Variants in ST8SIA1 observed in about 807,000 individuals in gnomAD.
ST8SIA1 encodes ST8 alpha-N-acetyl-neuraminide alpha-2,8-sialyltransferase 1, also known as alpha-N-acetylneuraminide alpha-2,8-sialyltransferase.
A neutral mutation model predicts 35.9 loss-of-function variants in ST8SIA1; 16 were observed. The observed-to-expected ratio is 0.45, with a 90% CI of 0.30 to 0.68. The LOEUF is 0.68. ST8SIA1 is among the 30% of genes least tolerant of loss of function. The probability of loss-of-function intolerance (pLI) is 0.09; values close to 1 mark genes in which losing one functional copy is unlikely to be tolerated. For missense variants in ST8SIA1, 383 were observed against 453.6 expected, an observed-to-expected ratio of 0.84 and a Z score of 1.41; for synonymous variants, 170 against 169.6, an observed-to-expected ratio of 1.00 and a Z score of -0.02.
At chr12:22,258,011 T>C (rs1865746882) in intron 2 of ST8SIA1, among the ~76,000 whole-genome samples, 1 of 151,782 alleles carries the variant, frequency 6.6e-6, no homozygotes, top group African/African-American at 2.4e-5. Context: ...CTCCAGAATA[T>C]GTCCAGAATC....
At position 22,197,432 on chromosome 12, in the gene ST8SIA1, T is replaced by C. The variant is rs1865002371; in HGVS notation, c.*4120A>G. The C allele has an allele frequency of 6.6e-6, 1 of 152,138 alleles. No homozygotes were observed. The highest frequency in any genetic ancestry group is 2.4e-5 in the African/African-American group (1 of 41,434). 9.4% of individuals were successfully genotyped at this position (152,138 alleles called of 1,614,324 possible). ...CCCCTTAGGTCCCTCCTAACAAGTA[T>C]TTGTCAGTGAAAAATTTCACAAAGT... is the stretch of plus-strand genomic sequence containing the variant. On this transcript the variant is annotated 3_prime_UTR_variant, in exon 5 of 5. Coordinates refer to ENST00000396037, the MANE Select transcript of ST8SIA1 (RefSeq NM_003034.4).
chr12:22,321,028 A>AAG (rs796297232), intron 1 of ST8SIA1, among the ~76,000 whole-genome samples: 32 of 65,352 alleles, frequency 4.9e-4, no homozygotes, highest in African/African-American at 1.9e-3. Context: ...GAAAGAAAGA[A>AAG]AGAAAGAGAA....
At position 22,333,933 on chromosome 12, in the gene ST8SIA1, C is replaced by A. The variant is rs914714164; in HGVS notation, c.236+64G>T. ...GGTGCAAGGCGGTCCTCGCCGGTGACCCTGTCCTCTGCACTCGGGGAGGAA... is the reference window on the plus strand; with the variant it reads ...GGTGCAAGGCGGTCCTCGCCGGTGAACCTGTCCTCTGCACTCGGGGAGGAA... On this transcript the variant is annotated intron_variant, in intron 1 of 4. Transcript: ENST00000396037. The A allele has an allele frequency of 3.5e-6, 5 of 1,440,242 alleles. No homozygotes were observed. The Admixed American group carries it at 8.4e-5, about 24-fold the overall frequency. 89.2% of individuals were successfully genotyped at this position (1,440,242 alleles called of 1,614,324 possible).
intron 1 of ST8SIA1, among the ~76,000 whole-genome samples, chr12:22,294,700 A>C (rs1262456104): frequency 6.6e-6 from 1 of 152,246 alleles, no homozygotes; most frequent in Non-Finnish European, 1.5e-5. Context: ...TTCTCTAGTA[A>C]GGGCAGAGAA....
chr12:22,238,173 A>G (rs1456144879), intron 4 of ST8SIA1, among the ~76,000 whole-genome samples: 3 of 150,112 alleles, frequency 2.0e-5, no homozygotes, highest in African/African-American at 4.9e-5. Context: ...TCCCCCCCCA[A>G]CAAGAGGTGG....
At chr12:22,239,270 G>A (rs1591831865) in intron 4 of ST8SIA1, among the ~76,000 whole-genome samples, 1 of 152,090 alleles carries the variant, frequency 6.6e-6, no homozygotes, top group Admixed American at 6.5e-5. Context: ...CATTAATCAT[G>A]AATTCTGAAA....
intron 4 of ST8SIA1, among the ~76,000 whole-genome samples, chr12:22,217,511 G>T (rs1865247394): frequency 1.3e-5 from 2 of 152,146 alleles, no homozygotes; most frequent in African/African-American, 4.8e-5. Flanking sequence ...TTTAGAGAAG[G>T]TATTTTGAGA....
At position 22,321,226 on chromosome 12, in the gene ST8SIA1, G is replaced by A. The variant is rs993726305; in HGVS notation, c.236+12771C>T. Reference sequence around the variant, plus strand: ...GATGGTGAGGCTGAGAGGGGTGGGAGAGAAAGAGCCCTTTGGCGTGGCAAG... The same window carrying A: ...GATGGTGAGGCTGAGAGGGGTGGGAAAGAAAGAGCCCTTTGGCGTGGCAAG... On this transcript the variant is annotated intron_variant, in intron 1 of 4. Coordinates refer to ENST00000396037, the MANE Select transcript of ST8SIA1 (RefSeq NM_003034.4). Among the ~76,000 whole-genome samples the A allele has an allele frequency of 1.2e-4, 19 of 152,296 alleles. No homozygotes were observed. In the South Asian group the frequency reaches 3.7e-3, roughly 30 times the overall value.
chr12:22,205,504 T>C (rs189426399), intron 4 of ST8SIA1, among the ~76,000 whole-genome samples: 2 of 152,162 alleles, frequency 1.3e-5, no homozygotes, highest in East Asian at 1.9e-4. Context: ...ACCAATAAGA[T>C]TTTTTAAATT....
At chr12:22,237,482 A>C (rs1865488670) in intron 4 of ST8SIA1, among the ~76,000 whole-genome samples, 1 of 151,674 alleles carries the variant, frequency 6.6e-6, no homozygotes, top group African/African-American at 2.4e-5. Flanking sequence ...TTTTCCTTAG[A>C]GATTTTCTCT....
At chr12:22,249,982 GA>G (rs1479767530) in intron 3 of ST8SIA1, among the ~76,000 whole-genome samples, 2 of 152,172 alleles carry the variant, frequency 1.3e-5, no homozygotes, top group Non-Finnish European at 2.9e-5. Flanking sequence ...TGGGTAGGCT[GA>G]TTACTGGTGA....
At chr12:22,284,271 G>A (rs1040619935) in intron 2 of ST8SIA1, among the ~76,000 whole-genome samples, 10 of 152,124 alleles carry the variant, frequency 6.6e-5, no homozygotes, top group African/African-American at 1.7e-4. Context: ...ACATGGAATC[G>A]AAGTTAGAAA....
At chr12:22,203,152 G>C (rs1444096518) in intron 4 of ST8SIA1, among the ~76,000 whole-genome samples, 1 of 152,086 alleles carries the variant, frequency 6.6e-6, no homozygotes, top group Non-Finnish European at 1.5e-5. Flanking sequence ...GTAGCCTGGA[G>C]ACCAGGTAAG....
At chr12:22,240,857 C>T (rs73268002) in intron 4 of ST8SIA1, among the ~76,000 whole-genome samples, 7,392 of 152,114 alleles carry the variant, frequency 0.049, 621 homozygotes, top group African/African-American at 0.17. Flanking sequence ...ATTGAGGTCT[C>T]ATATCAAGTC....
intron 1 of ST8SIA1, among the ~76,000 whole-genome samples, chr12:22,298,447 C>T (rs1157828822): frequency 2.0e-5 from 3 of 152,156 alleles, no homozygotes; most frequent in Non-Finnish European, 2.9e-5. Flanking sequence ...GCTGGGTCCA[C>T]CACAGAATCA....
chr12:22,303,846 C>CCCCA (rs762693973), intron 1 of ST8SIA1, among the ~76,000 whole-genome samples: 11 of 140,706 alleles, frequency 7.8e-5, no homozygotes, highest in African/African-American at 2.9e-4. Context: ...CACCACCCTG[C>CCCCA]CACACACACA....
In ST8SIA1 at chr12:22,334,027, C is replaced by T. The variant is rs761770544; in HGVS notation, c.206G>A (p.Arg69Lys). 3 of 1,613,920 alleles carry T rather than the reference C, an allele frequency of 1.9e-6. No individual in the cohort carries two copies. The highest frequency in any genetic ancestry group is 1.7e-5 in the Admixed American group (1 of 60,014). ...QGVLQQGTAW[R>K]RNQTAARAFR... is the part of the protein sequence containing the mutation. ...CGCTCTGGCCGCGGTCTGGTTCCTC[C>T]TCCACGCCGTGCCCTGTTGCAGCAC... Residue 69 changes from arginine to lysine, a missense_variant, in exon 1 of 5, where the codon AGG becomes AAG. Physicochemically the swap from Arg to Lys is conservative, Grantham distance 26 (BLOSUM62 2). Transcript: ENST00000396037.
intron 4 of ST8SIA1, among the ~76,000 whole-genome samples, chr12:22,227,548 G>A (rs1269011514): frequency 6.6e-6 from 1 of 151,896 alleles, no homozygotes; most frequent in African/African-American, 2.4e-5. Context: ...CTCCAGCCTG[G>A]GCGACAGAGC....
intron 4 of ST8SIA1, among the ~76,000 whole-genome samples, chr12:22,239,847 G>T (rs979693356): frequency 2.0e-5 from 3 of 152,166 alleles, no homozygotes; most frequent in Non-Finnish European, 4.4e-5. Context: ...TCCTTCTCAG[G>T]ACTTAATATG....
Sources: allele counts gnomAD v4.1 joint callset (sites outside exome capture counted in the v4.1 genomes callset), GRCh38; gene constraint gnomAD v4.1.1; transcripts MANE v1.5; gene names NCBI Gene and HGNC (gene_info 2026-07-23, HGNC 2026-07-21).